Variants in ANO5 observed in about 807,000 individuals in gnomAD.
ANO5 encodes anoctamin 5.
ANO5 carries 109 observed loss-of-function variants against 121.0 expected under a neutral mutation model. The ratio of observed to expected loss-of-function variants is 0.90; its 90% CI spans 0.77 to 1.06. ANO5 has a LOEUF of 1.06. Ranked by LOEUF, ANO5 falls within the 50% of genes least tolerant of loss-of-function variation. ANO5 has a pLI of 0.00. For missense variants in ANO5, 1,064 were observed against 1,078.5 expected (o/e 0.99, Z 0.19); for synonymous variants, 406 against 359.9 (o/e 1.13, Z -1.45).
At position 22,279,765 on chromosome 11, in the gene ANO5, A is replaced by T; in HGVS notation, c.2742A>T (p.Ter914TyrextTer3). 1 of 1,610,082 alleles carries T rather than the reference A, an allele frequency of 6.2e-7. No homozygotes were observed. Among genetic ancestry groups the T allele is most frequent in the Non-Finnish European group, 8.5e-7 (1 of 1,177,188 alleles). Residue 914 changes from the stop codon to tyrosine, a stop_lost, in exon 22 of 22, where the codon TAA (stop) becomes TAT (tyrosine). Transcript: ENST00000324559. Reference protein sequence around the residue: ...NKAQLAKSTL* With the variant: ...NKAQLAKSTLY ...CACAGCTGGCTAAATCAACACTCTA[A>T]TCAGTATAGTGAGGAAGCAGCAGGT...
chr11:22,212,776 A>G (rs1052324616), intron 3 of ANO5, among the ~76,000 whole-genome samples: 8 of 149,370 alleles, frequency 5.4e-5, no homozygotes, highest in African/African-American at 1.5e-4. Flanking sequence ...TTATTTTGCT[A>G]TGTCACTCTG....
intron 12 of ANO5, among the ~76,000 whole-genome samples, chr11:22,252,029 CAAAAAAAAAA>C (rs10525160): frequency 4.4e-5 from 2 of 45,856 alleles, no homozygotes; most frequent in East Asian, 9.6e-4. Context: ...GACGCCGTCT[CAAAAAAAAAA>C]AAAAAAAAAA....
rs1462995994 is a variant in ANO5, at chr11:22,255,313, G to T, written c.1181-58G>T. 3 of 1,390,488 alleles carry T rather than the reference G, an allele frequency of 2.2e-6. No homozygotes were observed. In the African/African-American group the frequency reaches 4.4e-5, roughly 20 times the overall value. The allele number at this position is 1,390,488 out of a possible 1,614,324, so 86.1% of individuals were successfully genotyped here. On this transcript the variant is annotated intron_variant, in intron 12 of 21. Transcript: ENST00000324559. ...GCAACCAAAGTAATTAAAGGGAAAA[G>T]TTGAAAAAGTTTTTAACTTTTTTAA...
At chr11:22,255,324 T>C in intron 12 of ANO5, 47 bp from the exon 13 acceptor site, 1 of 1,462,052 alleles carries the variant, frequency 6.8e-7, no homozygotes, top group Non-Finnish European at 9.2e-7. Flanking sequence ...TTGAAAAAGT[T>C]TTTAACTTTT....
intron 15 of ANO5, chr11:22,261,187 AAAG>A (rs1190694162): frequency 6.6e-6 from 1 of 152,266 alleles, no homozygotes; most frequent in Non-Finnish European, 1.5e-5. Flanking sequence ...ACACTGCTAT[AAAG>A]ATACTACCTG....
intron 20 of ANO5, among the ~76,000 whole-genome samples, chr11:22,275,643 AGAACAGCCAAGAGAAAATAGAGTTCCAAG>A (rs1406842247): frequency 6.6e-6 from 1 of 151,892 alleles, no homozygotes; most frequent in Non-Finnish European, 1.5e-5. Flanking sequence ...ATACAGCATC[AGAACAGCCAAGAGAAAATAGAGTTCCAAG>A]AAGATAGAAG....
At chr11:22,276,293 T>C in intron 21 of ANO5, 94 bp downstream of exon 21, 1 of 989,396 alleles carries the variant, frequency 1.0e-6, no homozygotes, top group Non-Finnish European at 1.6e-6. Flanking sequence ...TAGCAATATC[T>C]CAGTAAACTG....
intron 5 of ANO5, among the ~76,000 whole-genome samples, chr11:22,222,521 C>T (rs1041042126): frequency 2.4e-4 from 37 of 151,990 alleles, no homozygotes; most frequent in African/African-American, 8.0e-4. Context: ...TCTTTCTGAT[C>T]CACATTCTTC....
At chr11:22,233,520 A>G (rs1853112920) in intron 7 of ANO5, among the ~76,000 whole-genome samples, 1 of 152,086 alleles carries the variant, frequency 6.6e-6, no homozygotes, top group African/African-American at 2.4e-5. Context: ...CTGGGAATCT[A>G]ACCATGTCAA....
intron 18 of ANO5, among the ~76,000 whole-genome samples, chr11:22,271,302 C>T (rs1028988777): frequency 6.6e-6 from 1 of 152,170 alleles, no homozygotes; most frequent in Non-Finnish European, 1.5e-5. Flanking sequence ...CCCGCCTCGG[C>T]CTCCCAAAGT....
At chr11:22,222,366 T>C (rs961318952) in intron 5 of ANO5, among the ~76,000 whole-genome samples, 1 of 151,950 alleles carries the variant, frequency 6.6e-6, no homozygotes, top group Non-Finnish European at 1.5e-5. Context: ...ATTTTGACAC[T>C]CTGGCCTCTC....
Position 22,272,922 on chromosome 11 carries a change from A to G in ANO5, c.2168A>G (p.Lys723Arg). 6.2e-7 allele frequency: 1 copy of G among 1,614,070 alleles called. No individual in the cohort carries two copies. Among genetic ancestry groups the G allele is most frequent in the Non-Finnish European group, 8.5e-7 (1 of 1,180,002 alleles). ...TTQYRRTVAS[K>R]AHSIGVWQDI... ...CAATACAGGAGAACTGTAGCTTCTA[A>G]AGCTCATAGCATAGGTGTTTGGCAA... Residue 723 changes from lysine to arginine, a missense_variant, in exon 19 of 22, where the codon AAA becomes AGA. Lys to Arg is a conservative substitution (Grantham distance 26, BLOSUM62 2). Coordinates refer to ENST00000324559, the MANE Select transcript of ANO5 (RefSeq NM_213599.3).
chr11:22,263,241 G>T (rs553812453), intron 17 of ANO5, among the ~76,000 whole-genome samples, 198 bp downstream of exon 17: 1 of 151,908 alleles, frequency 6.6e-6, no homozygotes, highest in Middle Eastern at 3.4e-3. Context: ...ATTTATTTTG[G>T]TTCCATGGCT....
chr11:22,192,700 A>G (rs557131704), upstream of ANO5, among the ~76,000 whole-genome samples: 1 of 152,278 alleles, frequency 6.6e-6, no homozygotes, highest in South Asian at 2.1e-4. Context: ...CCCTTTGGGG[A>G]TCGGAGGAGG....
At chr11:22,242,267 T>C (rs185126997) in intron 9 of ANO5, among the ~76,000 whole-genome samples, 2 of 152,256 alleles carry the variant, frequency 1.3e-5, no homozygotes, top group East Asian at 3.9e-4. Flanking sequence ...AGTACCATGC[T>C]GTTTTGCTTA....
chr11:22,278,360 T>C (rs1476610133), intron 21 of ANO5, among the ~76,000 whole-genome samples: 2 of 151,754 alleles, frequency 1.3e-5, no homozygotes, highest in Non-Finnish European at 3.0e-5. Flanking sequence ...GATAATGTCT[T>C]TGATAAATTT....
intron 5 of ANO5, among the ~76,000 whole-genome samples, chr11:22,225,464 C>A (rs140964893): frequency 6.6e-6 from 1 of 151,910 alleles, no homozygotes; most frequent in African/African-American, 2.4e-5. Flanking sequence ...CACTACAAAA[C>A]GAACAAACAA....
At chr11:22,244,728 A>G (rs1853560697) in intron 9 of ANO5, among the ~76,000 whole-genome samples, 1 of 152,016 alleles carries the variant, frequency 6.6e-6, no homozygotes, top group Non-Finnish European at 1.5e-5. Context: ...CCATTCCAGA[A>G]GTTCAGTTTT....
intron 2 of ANO5, 105 bp from the exon 3 acceptor site, chr11:22,211,155 TTAAG>T (rs1164243961): frequency 4.3e-6 from 5 of 1,167,326 alleles, no homozygotes; most frequent in East Asian, 2.4e-5. Flanking sequence ...TGGTTCCAGA[TTAAG>T]TGTTTCTGCA....
Sources: gnomAD v4.1 joint callset for allele counts (sites outside exome capture counted in the v4.1 genomes callset) on GRCh38, gnomAD v4.1.1 for gene constraint, MANE v1.5 for transcripts, NCBI Gene and HGNC (gene_info 2026-07-23, HGNC 2026-07-21) for gene names.